The following CLASP1 variants were observed in gnomAD, a reference collection of about 807,000 sequenced individuals.
CLASP1 encodes the protein cytoplasmic linker associated protein 1.
In CLASP1, 38 loss-of-function variants were observed where a neutral mutation model predicts 192.3. The ratio of observed to expected loss-of-function variants is 0.20; its 90% CI spans 0.15 to 0.26. CLASP1 has a LOEUF of 0.26. Among genes scored for constraint, CLASP1 ranks in the 10% least tolerant of loss-of-function variants. The pLI is 1.00. For synonymous variants in CLASP1, 691 were observed against 712.8 expected (o/e 0.97, Z 0.49); for missense variants, 1,433 against 1,932.5 (o/e 0.74, Z 4.85).
chr2:121,528,262 T>A (rs1575678123), intron 4 of CLASP1, among the ~76,000 whole-genome samples: 1 of 152,074 alleles, frequency 6.6e-6, no homozygotes, highest in Non-Finnish European at 1.5e-5. Context: ...TAAAGGACAG[T>A]AGAAGCTGGG....
chr2:121,544,624 T>C (rs1358084629), intron 2 of CLASP1, among the ~76,000 whole-genome samples: 6 of 152,072 alleles, frequency 3.9e-5, no homozygotes, highest in Non-Finnish European at 4.4e-5. Context: ...ATATACTTGA[T>C]CAAATATCAA....
chr2:121,638,705 T>G (rs1178980447), intron 1 of CLASP1, among the ~76,000 whole-genome samples: 2 of 151,936 alleles, frequency 1.3e-5, no homozygotes, highest in African/African-American at 4.8e-5. Flanking sequence ...TTTGCTCTTT[T>G]TGCCGAGGCT....
intron 2 of CLASP1, 64 bp from the exon 3 acceptor site, chr2:121,530,389 C>A: frequency 7.4e-7 from 1 of 1,350,782 alleles, no homozygotes; most frequent in Non-Finnish European, 1.0e-6. Flanking sequence ...CCCGCCCACC[C>A]GCTCCGGGGA....
intron 6 of CLASP1, among the ~76,000 whole-genome samples, chr2:121,518,957 C>A (rs145628794): frequency 3.7e-4 from 56 of 152,324 alleles, no homozygotes; most frequent in African/African-American, 1.3e-3. Flanking sequence ...TAAAGTGTAT[C>A]ACCATTGCTT....
chr2:121,349,943 T>C (rs2064047292), intron 37 of CLASP1, among the ~76,000 whole-genome samples: 1 of 152,186 alleles, frequency 6.6e-6, no homozygotes, highest in African/African-American at 2.4e-5. Flanking sequence ...TGTCCTCATC[T>C]GTAAAACAGG....
In CLASP1 at chr2:121,530,956, A is replaced by C. The variant is rs1408741205; in HGVS notation, c.196-631T>G. ...GCAGTACTGCTAACGCCTGAACAAC[A>C]CACCCGCATCAACTAGAGCTTTTGC... On this transcript the variant is annotated intron_variant, in intron 2 of 39. Coordinates refer to ENST00000263710, the Ensembl canonical transcript of CLASP1. 11 of 700,410 alleles carry C rather than the reference A, an allele frequency of 1.6e-5. No individual in the cohort carries two copies. The highest frequency in any genetic ancestry group is 2.7e-5 in the East Asian group (1 of 37,290). The allele number at this position is 700,410 out of a possible 1,614,324, so 43.4% of individuals were successfully genotyped here.
chr2:121,626,189 C>G (rs1489730245), intron 1 of CLASP1, among the ~76,000 whole-genome samples: 1 of 151,016 alleles, frequency 6.6e-6, no homozygotes, highest in Non-Finnish European at 1.5e-5. Flanking sequence ...CCCAAGGGAG[C>G]TAGGTTATAC....
At chr2:121,426,439 T>C (rs2080391241) in intron 21 of CLASP1, among the ~76,000 whole-genome samples, 2 of 152,058 alleles carry the variant, frequency 1.3e-5, no homozygotes, top group East Asian at 3.9e-4. Context: ...CCGAAAGACC[T>C]CACGGAAAGA....
At chr2:121,532,338 G>A (rs2104839760) in intron 2 of CLASP1, 1 of 152,268 alleles carries the variant, frequency 6.6e-6, no homozygotes, top group South Asian at 2.1e-4. Context: ...CTACTTTCCA[G>A]CTAAAAGGGA....
At chr2:121,623,733 A>G (rs1449887360) in intron 1 of CLASP1, among the ~76,000 whole-genome samples, 1 of 151,988 alleles carries the variant, frequency 6.6e-6, no homozygotes, top group East Asian at 1.9e-4. Flanking sequence ...TAGATTTTCT[A>G]TTTCTTTGGG....
intron 26 of CLASP1, chr2:121,402,518 T>C: frequency 2.0e-6 from 1 of 497,562 alleles, no homozygotes; most frequent in South Asian, 1.5e-5. Flanking sequence ...CAGGAAAAAG[T>C]CATTCAGCTG....
chr2:121,530,785 C>A lies in CLASP1; in HGVS notation c.196-460G>T. 11 of 586,086 alleles carry A rather than the reference C, an allele frequency of 1.9e-5. No individual in the cohort carries two copies. In the South Asian group the frequency reaches 2.2e-4, roughly 12 times the overall value. The allele number at this position is 586,086 out of a possible 1,614,324, so 36.3% of individuals were successfully genotyped here. A position where few individuals can be genotyped will look rare whatever the true frequency, so the allele number is the denominator to read the frequency against. On this transcript the variant is annotated intron_variant, in intron 2 of 39. Coordinates refer to ENST00000263710, the Ensembl canonical transcript of CLASP1. ...GCTGTGGAGGCTGGAGGTAAGCTAG[C>A]TACCAGACCGACTAGGGCGAGGCTC...
intron 10 of CLASP1, 77 bp from the exon 11 acceptor site, chr2:121,461,270 A>T: frequency 2.6e-6 from 2 of 763,686 alleles, no homozygotes; most frequent in Non-Finnish European, 2.1e-6. Flanking sequence ...CATGAAGTCA[A>T]GAACATTAAG....
Position 121,583,942 on chromosome 2 carries a change from C to T in CLASP1, c.195+21759G>A, listed in dbSNP as rs147388111. 1.9e-3 allele frequency among the ~76,000 whole-genome samples: 286 copies of T among 152,042 alleles called. 1 individual carries two copies. The highest frequency in any genetic ancestry group is 6.5e-3 in the African/African-American group (271 of 41,382). On this transcript the variant is annotated intron_variant, in intron 2 of 39. Coordinates refer to ENST00000263710, the Ensembl canonical transcript of CLASP1. ...AGGGCAGGTGGAGGAACTAGCTAGA[C>T]GCTTTTTTGCCCTTCCACTCTTCTG...
intron 2 of CLASP1, among the ~76,000 whole-genome samples, chr2:121,595,573 G>A (rs985687516): frequency 1.3e-5 from 2 of 152,216 alleles, no homozygotes; most frequent in Non-Finnish European, 1.5e-5. Context: ...ACAATCAAGT[G>A]AAATCTTCCT....
chr2:121,520,024 C>T (rs1021994569), intron 6 of CLASP1, among the ~76,000 whole-genome samples: 3 of 152,200 alleles, frequency 2.0e-5, no homozygotes, highest in Non-Finnish European at 2.9e-5. Flanking sequence ...ACATGCAGCA[C>T]GCTCTGCCAG....
At chr2:121,448,883 T>C in intron 17 of CLASP1, 70 bp downstream of exon 17, 3 of 1,481,524 alleles carry the variant, frequency 2.0e-6, no homozygotes, top group Non-Finnish European at 2.8e-6. Flanking sequence ...AGCTAGAATT[T>C]GTGTTTTCAT....
intron 18 of CLASP1, 58 bp from the exon 19 acceptor site, chr2:121,447,565 T>C (rs2084598766): frequency 7.4e-6 from 10 of 1,343,580 alleles, no homozygotes; most frequent in South Asian, 1.4e-5. Flanking sequence ...GAAAATACAT[T>C]GCTAAAATCT....
rs537714450 is a variant in CLASP1 at position 121,478,960 on chromosome 2, AC to A, written c.713-9001del. On this transcript the variant is annotated intron_variant, in intron 8 of 39. Coordinates refer to ENST00000263710, the Ensembl canonical transcript of CLASP1. ...CCCCCCACACACACACCACACACAC[AC>A]ACCACACACACCACACACACACCAC... Among the ~76,000 whole-genome samples the A allele has an allele frequency of 1.3e-3, 59 of 44,186 alleles. No homozygotes were observed. The East Asian group carries it at 0.017, about 13-fold the overall frequency. The allele number at this position is 44,186 out of a possible 152,430, so 29.0% of individuals were successfully genotyped here.
Sources: allele counts gnomAD v4.1 joint callset (sites outside exome capture counted in the v4.1 genomes callset), GRCh38; gene constraint gnomAD v4.1.1; transcripts MANE v1.5; gene names NCBI Gene and HGNC (gene_info 2026-07-23, HGNC 2026-07-21).